PDE10A: variants seen among roughly 807,000 people sequenced by gnomAD.
PDE10A encodes the protein cAMP and cAMP-inhibited cGMP 3',5'-cyclic phosphodiesterase 10A.
PDE10A carries 39 observed loss-of-function variants against 97.7 expected under a neutral mutation model. That is an observed-to-expected ratio of 0.40 (90% CI 0.31 to 0.52). The LOEUF is 0.52. Ranked by LOEUF, PDE10A falls within the 20% of genes least tolerant of loss-of-function variation. The probability of loss-of-function intolerance (pLI) is 0.56; values close to 1 mark genes in which losing one functional copy is unlikely to be tolerated. For missense variants in PDE10A, 731 were observed against 1,047.8 expected (o/e 0.70, Z 4.17); for synonymous variants, 371 against 376.8 (o/e 0.98, Z 0.18).
chr6:165,746,760 A>G (rs1792853161), intron 1 of PDE10A, among the ~76,000 whole-genome samples: 1 of 152,220 alleles, frequency 6.6e-6, no homozygotes, highest in Admixed American at 6.5e-5. Flanking sequence ...CAGATGGAAG[A>G]AGATTTAGGA....
chr6:165,839,821 T>C (rs1780173807), intron 1 of PDE10A, among the ~76,000 whole-genome samples: 1 of 150,062 alleles, frequency 6.7e-6, no homozygotes, highest in Non-Finnish European at 1.5e-5. Context: ...TCCATCCCCA[T>C]CTCCAATCTC....
intron 1 of PDE10A, among the ~76,000 whole-genome samples, chr6:165,955,841 T>C (rs1784119297): frequency 6.6e-6 from 1 of 152,208 alleles, no homozygotes; most frequent in African/African-American, 2.4e-5. Context: ...TTTGGAAGTA[T>C]AACATAACTA....
At chr6:165,499,109 G>A (rs1780717907) in intron 2 of PDE10A, among the ~76,000 whole-genome samples, 1 of 152,160 alleles carries the variant, frequency 6.6e-6, no homozygotes, top group Non-Finnish European at 1.5e-5. Flanking sequence ...ATAATGAGTG[G>A]TTCTCTTTCT....
chr6:165,828,295 ACCT>A (rs754194839), intron 1 of PDE10A, among the ~76,000 whole-genome samples: 1 of 152,226 alleles, frequency 6.6e-6, no homozygotes, highest in Non-Finnish European at 1.5e-5. Context: ...AAAAAGAGTA[ACCT>A]CCTTGCTGAG....
At chr6:165,355,937 A>G (rs557104) in intron 18 of PDE10A, among the ~76,000 whole-genome samples, 71,209 of 151,860 alleles carry the variant, frequency 0.47, 17,625 homozygotes, top group African/African-American at 0.64. Flanking sequence ...TTTATAAAGA[A>G]AAGAGGTTTA....
intron 1 of PDE10A, among the ~76,000 whole-genome samples, chr6:165,933,816 T>A (rs1480751818): frequency 6.6e-6 from 1 of 152,166 alleles, no homozygotes; most frequent in Admixed American, 6.5e-5. Context: ...GGGAGACATC[T>A]CAGGCTACCT....
At chr6:165,364,211 AT>A (rs1260016588) in intron 18 of PDE10A, among the ~76,000 whole-genome samples, 1 of 152,160 alleles carries the variant, frequency 6.6e-6, no homozygotes, top group Non-Finnish European at 1.5e-5. Flanking sequence ...ACATGTTAGT[AT>A]TTGGAGGTGG....
intron 1 of PDE10A, among the ~76,000 whole-genome samples, chr6:165,958,737 A>AAG (rs1417335400): frequency 3.6e-5 from 1 of 27,942 alleles, no homozygotes; most frequent in African/African-American, 1.8e-4. Context: ...GAAAGAAAGA[A>AAG]AGAAAGAAAG....
chr6:165,367,094 G>A (rs189040254), intron 18 of PDE10A, among the ~76,000 whole-genome samples: 19 of 152,126 alleles, frequency 1.2e-4, no homozygotes, highest in Non-Finnish European at 1.0e-4. Context: ...GTACAGATAC[G>A]CTAAAGAATC....
At chr6:165,827,661 A>AT (rs1779799916) in intron 1 of PDE10A, among the ~76,000 whole-genome samples, 1 of 152,138 alleles carries the variant, frequency 6.6e-6, no homozygotes, top group Non-Finnish European at 1.5e-5. Context: ...TTTCTAATGC[A>AT]TTTTTTATTG....
chr6:165,805,485 G>C (rs958712528), intron 1 of PDE10A, among the ~76,000 whole-genome samples: 3 of 152,140 alleles, frequency 2.0e-5, no homozygotes, highest in Non-Finnish European at 2.9e-5. Flanking sequence ...TCCCAGCCGC[G>C]CCACGGGCCA....
chr6:165,872,284 C>T (rs1365121045), intron 1 of PDE10A, among the ~76,000 whole-genome samples: 1 of 152,154 alleles, frequency 6.6e-6, no homozygotes, highest in Non-Finnish European at 1.5e-5. Context: ...AAGTCAGTAG[C>T]CAGAAACCCC....
At chr6:165,706,814 A>C (rs1329913865) in intron 1 of PDE10A, among the ~76,000 whole-genome samples, 2 of 152,230 alleles carry the variant, frequency 1.3e-5, no homozygotes, top group South Asian at 2.1e-4. Flanking sequence ...ACGTGGTTTC[A>C]TTCAAAGAAA....
intron 1 of PDE10A, among the ~76,000 whole-genome samples, chr6:165,654,899 C>T (rs747312842): frequency 7.9e-5 from 12 of 152,144 alleles, no homozygotes; most frequent in Admixed American, 2.0e-4. Flanking sequence ...AGGATCTTGC[C>T]GGGTCACACC....
chr6:165,664,354 A>T (rs1790441042), upstream of PDE10A, among the ~76,000 whole-genome samples: 1 of 150,484 alleles, frequency 6.6e-6, no homozygotes, highest in African/African-American at 2.5e-5. Context: ...TCCCATCCAA[A>T]CTCCCCCCAA....
chr6:165,683,068 A>G (rs532368358), intron 1 of PDE10A, among the ~76,000 whole-genome samples: 1 of 152,364 alleles, frequency 6.6e-6, no homozygotes, highest in Admixed American at 6.5e-5. Context: ...CATTCAGCAC[A>G]GCTCCTAGCA....
At chr6:165,445,322 T>C (rs1369656704) in intron 5 of PDE10A, among the ~76,000 whole-genome samples, 1 of 152,160 alleles carries the variant, frequency 6.6e-6, no homozygotes, top group East Asian at 1.9e-4. Flanking sequence ...CTGAGAAGAA[T>C]GGAAGGAATC....
chr6:165,986,352 A>G (rs1181888504), intron 1 of PDE10A: 2 of 152,600 alleles, frequency 1.3e-5, no homozygotes, highest in Non-Finnish European at 2.9e-5. Flanking sequence ...AAGAGACCAG[A>G]GAGGGAGATG....
intron 2 of PDE10A, among the ~76,000 whole-genome samples, chr6:165,536,043 A>G (rs1783064117): frequency 6.6e-6 from 1 of 152,134 alleles, no homozygotes; most frequent in Admixed American, 6.6e-5. Flanking sequence ...AGCTGGTGAC[A>G]TCACATTACC....
Sources: gnomAD v4.1 joint callset for allele counts (sites outside exome capture counted in the v4.1 genomes callset) on GRCh38, gnomAD v4.1.1 for gene constraint, MANE v1.5 for transcripts, NCBI Gene and HGNC (gene_info 2026-07-23, HGNC 2026-07-21) for gene names.